LRP1: variants seen among roughly 807,000 people sequenced by gnomAD.
LRP1 encodes prolow-density lipoprotein receptor-related protein 1.
A neutral mutation model predicts 541.5 loss-of-function variants in LRP1; 51 were observed. The ratio of observed to expected loss-of-function variants is 0.09; its 90% CI spans 0.08 to 0.12. The LOEUF (loss-of-function observed/expected upper bound fraction) is 0.12, where lower values mean the gene tolerates loss of function less well. Ranked by LOEUF, LRP1 falls within the 10% of genes least tolerant of loss-of-function variation. The pLI is 1.00. For missense variants in LRP1, 3,878 were observed against 6,376.2 expected (o/e 0.61, Z 13.34); for synonymous variants, 2,219 against 2,470.8 (o/e 0.90, Z 3.02).
rs754885879 is a variant in LRP1, at chr12:57,178,563, C to G, written c.4566C>G (p.Pro1522=). 3 of 1,614,232 alleles carry G rather than the reference C, an allele frequency of 1.9e-6. No individual in the cohort carries two copies. Among genetic ancestry groups the G allele is most frequent in the Non-Finnish European group, 2.5e-6 (3 of 1,180,036 alleles). ...VTVVQRTNTQ[P]FDLQVYHPSR... Reference sequence around the variant, plus strand: ...TGGTACAGAGGACCAACACCCAGCCCTTTGACCTGCAGGTGTACCACCCCT... The same window carrying G: ...TGGTACAGAGGACCAACACCCAGCCGTTTGACCTGCAGGTGTACCACCCCT... The change falls in exon 27 of 89, where the codon CCC becomes CCG. Residue 1522 remains proline, a synonymous_variant. Transcript: ENST00000243077. The surrounding 1 kb of genome is among the most constrained non-coding windows in gnomAD (Gnocchi z 5.8).
Position 57,167,532 on chromosome 12 carries a change from C to T in LRP1, c.2995+8C>T, listed in dbSNP as rs765897872. 1 of 1,611,510 alleles carries T rather than the reference C, an allele frequency of 6.2e-7. No individual in the cohort carries two copies. The highest frequency in any genetic ancestry group is 1.1e-5 in the South Asian group (1 of 91,028). On this transcript the variant is annotated splice_region_variant and intron_variant, in intron 19 of 88. Transcript: ENST00000243077. ...ACTGGAGATGCGACAATGGTAAGAG[C>T]TTGCTCTCCTCACCTGCTGATTCCT...
chr12:57,200,187 C>T (rs1391898497), intron 62 of LRP1, 162 bp downstream of exon 62: 15 of 661,950 alleles, frequency 2.3e-5, no homozygotes, highest in Non-Finnish European at 3.4e-5. Flanking sequence ...CACAGCAATA[C>T]TTTTACCCCC....
chr12:57,160,807 TG>T, intron 12 of LRP1, 85 bp from the exon 13 acceptor site: 1 of 991,260 alleles, frequency 1.0e-6, no homozygotes, highest in Non-Finnish European at 1.6e-6. Context: ...TGAGGAGCTC[TG>T]GGACAGCACT....
At position 57,156,150 on chromosome 12, in the gene LRP1, G is replaced by A. The variant is rs763850568; in HGVS notation, c.1284G>A (p.Ser428=). ...AGAATTATCTCTATGCCACCAACTC[G>A]GACAATGCCAATGCCCAGCAGAAGA... ...VFENYLYATN[S]DNANAQQKTS... Residue 428 remains serine (S), a synonymous_variant, in exon 9 of 89, where the codon TCG becomes TCA. Coordinates refer to ENST00000243077, the MANE Select transcript of LRP1 (RefSeq NM_002332.3). The surrounding 1 kb of genome is among the most constrained non-coding windows in gnomAD (Gnocchi z 5.2). The A allele has an allele frequency of 2.8e-5, 45 of 1,613,846 alleles. No individual in the cohort carries two copies. Among genetic ancestry groups the A allele is most frequent in the East Asian group, 4.5e-5 (2 of 44,848 alleles).
chr12:57,155,952 A>C (rs1026971020), intron 8 of LRP1, 142 bp from the exon 9 acceptor site: 42 of 665,618 alleles, frequency 6.3e-5, no homozygotes, highest in Admixed American at 1.5e-4. Context: ...TCCCGTCTCA[A>C]AATAAATAAA....
At position 57,200,826 on chromosome 12, in the gene LRP1, G is replaced by GGGGGGGGGCC; in HGVS notation, c.10225+11_10225+12insGGGGGGGGCC. The GGGGGGGGGCC allele has an allele frequency of 2.3e-5, 36 of 1,581,032 alleles. No individual in the cohort carries two copies. The highest frequency in any genetic ancestry group is 3.0e-5 in the Non-Finnish European group (35 of 1,157,316). On this transcript the variant is annotated intron_variant, in intron 64 of 88. Transcript: ENST00000243077. ...ACGAGGCCAACTGTGGTAAGGCGCT[G>GGGGGGGGGCC]CCCGCCCACCCTCCCTCCTTCCCCA...
chr12:57,150,511 G>C (rs2035507214), intron 6 of LRP1, among the ~76,000 whole-genome samples: 1 of 152,136 alleles, frequency 6.6e-6, no homozygotes, highest in Non-Finnish European at 1.5e-5. Context: ...CCTTCTAATA[G>C]GGCAAGCTTC....
At chr12:57,170,697 T>TGA (rs2035928569) in intron 20 of LRP1, among the ~76,000 whole-genome samples, 1 of 152,104 alleles carries the variant, frequency 6.6e-6, no homozygotes, top group African/African-American at 2.4e-5. Context: ...GGCACATGCC[T>TGA]GTAGTCCCAG....
chr12:57,180,120 A>G lies in LRP1; in HGVS notation c.5215A>G (p.Ser1739Gly), dbSNP rs750495749. The G allele has an allele frequency of 1.2e-6, 2 of 1,613,782 alleles. No individual in the cohort carries two copies. The highest frequency in any genetic ancestry group is 1.7e-5 in the Admixed American group (1 of 60,022). Residue 1739 changes from serine to glycine, a missense_variant, in exon 31 of 89, where the codon AGT (serine) becomes GGT (glycine). Physicochemically the swap from Ser to Gly is moderately conservative, Grantham distance 56 (BLOSUM62 0). Around this residue, in one of 13 missense-constraint regions of LRP1, gnomAD observed 394 missense variants for 635.9 expected, o/e 0.62. Transcript: ENST00000243077. ...MDGSNRTLLF[S>G]GQKGPVGLAI... ...TGGCAGCAATCGCACCCTGCTCTTC[A>G]GTGGCCAGAAGGGCCCCGTGGGTAC...
In LRP1 at chr12:57,173,042, A is replaced by C; in HGVS notation, c.3164-126A>C. On this transcript the variant is annotated intron_variant, in intron 20 of 88. Transcript: ENST00000243077. This position sits in a 1 kb window ranked among gnomAD's most constrained non-coding sequence, Gnocchi z 4.7. Reference sequence around the variant, plus strand: ...CCAAGGAGTGTCAGCAAAGCTTGGCAGACTCTCCAGGCCTGCCTCTGCTCA... The same window carrying C: ...CCAAGGAGTGTCAGCAAAGCTTGGCCGACTCTCCAGGCCTGCCTCTGCTCA... The C allele has an allele frequency of 1.4e-6, 1 of 713,442 alleles. No individual in the cohort carries two copies. Among genetic ancestry groups the C allele is most frequent in the Non-Finnish European group, 2.3e-6 (1 of 444,252 alleles). The allele number at this position is 713,442 out of a possible 1,614,324, so 44.2% of individuals were successfully genotyped here. A position where few individuals can be genotyped will look rare whatever the true frequency, so the allele number is the denominator to read the frequency against.
intron 4 of LRP1, 158 bp from the exon 5 acceptor site, chr12:57,144,814 G>T: frequency 1.4e-6 from 1 of 703,008 alleles, no homozygotes; most frequent in Non-Finnish European, 2.5e-6. Flanking sequence ...TGGACTTGCT[G>T]GGTGTTAAGG....
intron 6 of LRP1, among the ~76,000 whole-genome samples, chr12:57,148,411 T>C (rs1030132839): frequency 2.0e-5 from 3 of 152,208 alleles, no homozygotes; most frequent in East Asian, 1.9e-4. Flanking sequence ...ACAGGCCTGA[T>C]AGTCCCTTAG....
chr12:57,140,715 C>T (rs773587487), intron 2 of LRP1, among the ~76,000 whole-genome samples: 8 of 152,106 alleles, frequency 5.3e-5, no homozygotes, highest in Non-Finnish European at 1.0e-4. Flanking sequence ...CTGCTTCCCT[C>T]AGCTCATCAA....
Position 57,201,963 on chromosome 12 carries a change from C to T in LRP1, c.10594+58C>T, listed in dbSNP as rs778435636. 14 of 1,603,940 alleles carry T rather than the reference C, an allele frequency of 8.7e-6. No homozygotes were observed. In the African/African-American group the frequency reaches 1.1e-4, roughly 12 times the overall value. The stretch of plus-strand genomic sequence containing the variant: ...GTCTACCTGGGTGGGAGGCATGGCA[C>T]CCCTGGCAGGTGGAGGGCTGGGGGC... On this transcript the variant is annotated intron_variant, in intron 67 of 88. Coordinates refer to ENST00000243077, the MANE Select transcript of LRP1 (RefSeq NM_002332.3). This position sits in a 1 kb window ranked among gnomAD's most constrained non-coding sequence, Gnocchi z 6.4.
intron 43 of LRP1, 21 bp from the exon 44 acceptor site, chr12:57,191,299 G>T (rs200699907): frequency 2.6e-5 from 41 of 1,580,386 alleles, no homozygotes; most frequent in Non-Finnish European, 4.3e-6. Flanking sequence ...TGCTGTGACG[G>T]TGATGGTGCT....
At chr12:57,192,167 C>T (rs1329806349) in intron 44 of LRP1, among the ~76,000 whole-genome samples, 1 of 151,880 alleles carries the variant, frequency 6.6e-6, no homozygotes, top group Non-Finnish European at 1.5e-5. Flanking sequence ...ACACCCCACA[C>T]ACACTTGCCT....
At chr12:57,193,740 T>C in intron 47 of LRP1, 55 bp downstream of exon 47, 1 of 1,613,520 alleles carries the variant, frequency 6.2e-7, no homozygotes. Context: ...GCCCCACCCC[T>C]CCCTGGCCAA....
rs574472742 is a variant in LRP1 at position 57,212,436 on chromosome 12, G to C, written c.13516G>C (p.Val4506Leu). 6.2e-7 allele frequency: 1 copy of C among 1,613,972 alleles called. No individual in the cohort carries two copies. The highest frequency in any genetic ancestry group is 1.7e-5 in the Admixed American group (1 of 60,006). ...GCAGCCCACCAACTTCACCAACCCCGTGTATGCCACACTCTACATGGGGGG... is the reference window on the plus strand; with the variant it reads ...GCAGCCCACCAACTTCACCAACCCCCTGTATGCCACACTCTACATGGGGGG... ...PDKPTNFTNP[V>L]YATLYMGGHG... is the part of the protein sequence containing the mutation. Residue 4506 changes from valine to leucine, a missense_variant, in exon 89 of 89, where the codon GTG becomes CTG. Physicochemically the swap from Val to Leu is conservative, Grantham distance 32. This residue lies in a region of LRP1 where 871 missense variants were observed against 1,212.4 expected (regional missense o/e 0.72). Coordinates refer to ENST00000243077, the MANE Select transcript of LRP1 (RefSeq NM_002332.3). The surrounding 1 kb of genome is among the most constrained non-coding windows in gnomAD (Gnocchi z 5.0).
In LRP1 at chr12:57,204,558, T is replaced by G. The variant is rs2036728413; in HGVS notation, c.11071+29T>G. 1 of 1,607,246 alleles carries G rather than the reference T, an allele frequency of 6.2e-7. No homozygotes were observed. The highest frequency in any genetic ancestry group is 8.5e-7 in the Non-Finnish European group (1 of 1,175,070). ...AGATTTGGGGCGGGGCTCCCAGGCT[T>G]CCCAGTGGCCAGCAACCACCCCCAC... On this transcript the variant is annotated intron_variant, in intron 71 of 88. Transcript: ENST00000243077. This position sits in a 1 kb window ranked among gnomAD's most constrained non-coding sequence, Gnocchi z 5.3.
Sources: allele counts gnomAD v4.1 joint callset (sites outside exome capture counted in the v4.1 genomes callset), GRCh38; gene constraint gnomAD v4.1.1; regional missense constraint gnomAD v4.1.1; non-coding constraint Gnocchi (gnomAD v3.1); transcripts MANE v1.5; gene names NCBI Gene and HGNC (gene_info 2026-07-23, HGNC 2026-07-21).